STK32B: variants seen among roughly 807,000 people sequenced by gnomAD.
STK32B encodes the protein serine/threonine kinase 32B, also known as serine/threonine-protein kinase 32B.
In STK32B, 43 loss-of-function variants were observed where a neutral mutation model predicts 52.6. The ratio of observed to expected loss-of-function variants is 0.82; its 90% CI spans 0.64 to 1.05. The LOEUF is 1.05. STK32B is among the 50% of genes least tolerant of loss of function. STK32B has a pLI of 0.00. For synonymous variants in STK32B, 238 were observed against 204.3 expected (o/e 1.17, Z -1.41); for missense variants, 621 against 534.6 (o/e 1.16, Z -1.59).
At chr4:5,118,570 G>A (rs1714862106) in intron 1 of STK32B, among the ~76,000 whole-genome samples, 1 of 152,202 alleles carries the variant, frequency 6.6e-6, no homozygotes. Context: ...TGCTCAGAGA[G>A]TCCTGCCCTG....
intron 3 of STK32B, among the ~76,000 whole-genome samples, chr4:5,243,237 A>G (rs1236283407): frequency 6.6e-6 from 1 of 152,012 alleles, no homozygotes; most frequent in African/African-American, 2.4e-5. Context: ...ATTTGTTTGT[A>G]TCCTCTTTCA....
intron 3 of STK32B, among the ~76,000 whole-genome samples, chr4:5,193,379 A>G (rs1392942830): frequency 1.3e-5 from 2 of 152,158 alleles, no homozygotes; most frequent in African/African-American, 4.8e-5. Context: ...AGATGAACAC[A>G]CTGAGGCCCA....
intron 8 of STK32B, among the ~76,000 whole-genome samples, chr4:5,459,284 C>G (rs777460229): frequency 0.051 from 1,883 of 36,848 alleles, 54 homozygotes; most frequent in Admixed American, 0.13. Flanking sequence ...CCTGGTGTGC[C>G]CCCCCCCCCC....
At chr4:5,260,041 T>C (rs1485200786) in intron 3 of STK32B, among the ~76,000 whole-genome samples, 5 of 151,604 alleles carry the variant, frequency 3.3e-5, no homozygotes, top group South Asian at 4.2e-4. Context: ...TTATGACTTA[T>C]CCTCCAATGT....
At chr4:5,269,539 A>G (rs1283938985) in intron 3 of STK32B, among the ~76,000 whole-genome samples, 2 of 152,232 alleles carry the variant, frequency 1.3e-5, no homozygotes, top group African/African-American at 4.8e-5. Flanking sequence ...ACAGCAATCA[A>G]CTGAAACAGA....
chr4:5,210,159 T>A (rs532451208), intron 3 of STK32B, among the ~76,000 whole-genome samples: 32 of 152,304 alleles, frequency 2.1e-4, no homozygotes, highest in African/African-American at 6.7e-4. Context: ...TACAAAGGCA[T>A]AATGTTGAAG....
At chr4:5,159,751 GTATATGAATATA>G (rs1182786051) in intron 2 of STK32B, among the ~76,000 whole-genome samples, 7 of 125,046 alleles carry the variant, frequency 5.6e-5, no homozygotes, top group Non-Finnish European at 9.7e-5. Flanking sequence ...ATATATGAAT[GTATATGAATATA>G]TATATGAATA....
chr4:5,444,604 A>T (rs980026669), intron 6 of STK32B, among the ~76,000 whole-genome samples: 1 of 152,148 alleles, frequency 6.6e-6, no homozygotes. Context: ...AGCTGTTCCT[A>T]TTCGGCCATC....
At chr4:5,444,622 C>G (rs1487591256) in intron 6 of STK32B, among the ~76,000 whole-genome samples, 1 of 152,210 alleles carries the variant, frequency 6.6e-6, no homozygotes, top group Non-Finnish European at 1.5e-5. Context: ...ATCTTGGCTC[C>G]TCCCCCCGCC....
chr4:5,057,797 G>T (rs1276747549), intron 1 of STK32B, among the ~76,000 whole-genome samples: 2 of 152,300 alleles, frequency 1.3e-5, no homozygotes, highest in East Asian at 3.9e-4. Flanking sequence ...TCTGGACTTT[G>T]AGAAATGGCA....
At chr4:5,205,428 C>T (rs1022665481) in intron 3 of STK32B, among the ~76,000 whole-genome samples, 1 of 152,182 alleles carries the variant, frequency 6.6e-6, no homozygotes, top group African/African-American at 2.4e-5. Flanking sequence ...ACCTCCCCTC[C>T]CTCATTCTCT....
chr4:5,033,172 T>C, the STK32B span, among the ~76,000 whole-genome samples: 1 of 152,122 alleles, frequency 6.6e-6, no homozygotes, highest in Non-Finnish European at 1.5e-5. Context: ...AGCGGCCTCA[T>C]GGAAGGAAGA....
chr4:5,181,428 T>G (rs925321976), intron 3 of STK32B, among the ~76,000 whole-genome samples: 2 of 151,932 alleles, frequency 1.3e-5, no homozygotes, highest in Non-Finnish European at 2.9e-5. Context: ...AGTTCAGATA[T>G]CCAGCTTTTA....
intron 4 of STK32B, among the ~76,000 whole-genome samples, chr4:5,377,293 G>A (rs1304347618): frequency 1.3e-5 from 2 of 152,016 alleles, no homozygotes; most frequent in African/African-American, 2.4e-5. Context: ...CAGCAAAAGG[G>A]GTGAAATATT....
At chr4:5,372,928 A>T (rs1366907146) in intron 4 of STK32B, among the ~76,000 whole-genome samples, 1 of 152,220 alleles carries the variant, frequency 6.6e-6, no homozygotes, top group Non-Finnish European at 1.5e-5. Flanking sequence ...CCATGACCCA[A>T]ATGAGGAATC....
the STK32B span, among the ~76,000 whole-genome samples, chr4:5,044,623 T>C: frequency 1.3e-5 from 2 of 152,226 alleles, no homozygotes; most frequent in Non-Finnish European, 2.9e-5. Context: ...TGTTCAGGAC[T>C]GTTTGGGCAT....
chr4:5,053,550 T>C (rs1271105197), intron 1 of STK32B, among the ~76,000 whole-genome samples: 1 of 152,210 alleles, frequency 6.6e-6, no homozygotes, highest in Non-Finnish European at 1.5e-5. Context: ...TCTCTGTCAT[T>C]TATCCCCAGC....
intron 5 of STK32B, among the ~76,000 whole-genome samples, chr4:5,405,049 G>A (rs1375737077): frequency 1.3e-5 from 2 of 151,622 alleles, no homozygotes; most frequent in African/African-American, 4.9e-5. Context: ...TGTATTTTTG[G>A]TAGAGACAGG....
intron 3 of STK32B, among the ~76,000 whole-genome samples, chr4:5,183,428 G>C (rs1282997436): frequency 6.7e-6 from 1 of 150,340 alleles, no homozygotes. Flanking sequence ...AGTGAGCTGA[G>C]ATTGCACCAC....
Sources: allele counts gnomAD v4.1 joint callset (sites outside exome capture counted in the v4.1 genomes callset), GRCh38; gene constraint gnomAD v4.1.1; transcripts MANE v1.5; gene names NCBI Gene and HGNC (gene_info 2026-07-23, HGNC 2026-07-21).